DSCAML1: variants seen among roughly 807,000 people sequenced by gnomAD.
DSCAML1 encodes the protein DS cell adhesion molecule like 1, also known as cell adhesion molecule DSCAML1.
Under a neutral mutation model 200.5 loss-of-function variants are expected in DSCAML1, and 38 were observed. The ratio of observed to expected loss-of-function variants is 0.19; its 90% CI spans 0.15 to 0.25. The LOEUF is 0.25. DSCAML1 is among the 10% of genes least tolerant of loss of function. The probability of loss-of-function intolerance (pLI) is 1.00; values close to 1 mark genes in which losing one functional copy is unlikely to be tolerated. For synonymous variants in DSCAML1, 1,215 were observed against 1,165.0 expected (o/e 1.04, Z -0.87); for missense variants, 2,223 against 2,858.8 (o/e 0.78, Z 5.07).
chr11:117,515,610 C>CTTTTTTTTTTTTT (rs56765238), intron 8 of DSCAML1, among the ~76,000 whole-genome samples: 3,475 of 64,928 alleles, frequency 0.054, 729 homozygotes, highest in Non-Finnish European at 0.066. Flanking sequence ...AGGGACGAAG[C>CTTTTTTTTTTTTT]TTTTTTTTTT....
chr11:117,623,133 G>T (rs1287250110), intron 3 of DSCAML1, among the ~76,000 whole-genome samples: 1 of 151,830 alleles, frequency 6.6e-6, no homozygotes, highest in East Asian at 1.9e-4. Flanking sequence ...TCGTCAACTA[G>T]CATCAACTGA....
intron 1 of DSCAML1, among the ~76,000 whole-genome samples, chr11:117,816,452 C>T (rs1357383300): frequency 1.3e-5 from 2 of 152,248 alleles, no homozygotes; most frequent in Non-Finnish European, 2.9e-5. Context: ...GAAGAATGGG[C>T]GCTTGGTGAG....
intron 19 of DSCAML1, among the ~76,000 whole-genome samples, chr11:117,458,083 C>G (rs1487015562): frequency 2.0e-5 from 3 of 152,228 alleles, no homozygotes; most frequent in Non-Finnish European, 4.4e-5. Context: ...CCTGGCGGCC[C>G]TGGGGTAGTG....
intron 3 of DSCAML1, among the ~76,000 whole-genome samples, chr11:117,578,152 C>G (rs1353369604): frequency 4.1e-5 from 6 of 144,676 alleles, no homozygotes; most frequent in African/African-American, 1.6e-4. Flanking sequence ...GGAGAATTGC[C>G]TGAAGCCATG....
At chr11:117,589,652 C>T (rs1325686425) in intron 3 of DSCAML1, among the ~76,000 whole-genome samples, 4 of 152,296 alleles carry the variant, frequency 2.6e-5, no homozygotes, top group Admixed American at 6.5e-5. Context: ...CTAACCAGAG[C>T]GACTGAATCC....
intron 3 of DSCAML1, among the ~76,000 whole-genome samples, chr11:117,617,680 G>GCACACACACACACACACACA (rs36207373): frequency 4.9e-5 from 7 of 143,014 alleles, no homozygotes; most frequent in African/African-American, 1.8e-4. Flanking sequence ...ACAGGTACAC[G>GCACACACACACACACACACA]CACACACACA....
At chr11:117,502,732 G>A (rs996862858) in intron 11 of DSCAML1, among the ~76,000 whole-genome samples, 1 of 152,268 alleles carries the variant, frequency 6.6e-6, no homozygotes, top group South Asian at 2.1e-4. Flanking sequence ...ACATAACAAA[G>A]CTGGCCAGGT....
At chr11:117,556,772 C>T (rs1006678226) in intron 3 of DSCAML1, among the ~76,000 whole-genome samples, 7 of 152,208 alleles carry the variant, frequency 4.6e-5, no homozygotes, top group South Asian at 2.1e-4. Flanking sequence ...CCAGAGAAGT[C>T]AGCTTGTCCA....
intron 15 of DSCAML1, 93 bp from the exon 16 acceptor site, chr11:117,470,073 G>C: frequency 8.2e-7 from 1 of 1,212,518 alleles, no homozygotes; most frequent in Non-Finnish European, 1.1e-6. Context: ...CTGAGCTGGA[G>C]GGCTCCTGGG....
At chr11:117,593,372 G>T (rs1188638080) in intron 3 of DSCAML1, among the ~76,000 whole-genome samples, 2 of 152,230 alleles carry the variant, frequency 1.3e-5, no homozygotes, top group African/African-American at 4.8e-5. Flanking sequence ...TGGGGCCTGG[G>T]GGCCTGGGTC....
chr11:117,787,008 TC>T (rs1329035348), intron 1 of DSCAML1, among the ~76,000 whole-genome samples: 1 of 152,008 alleles, frequency 6.6e-6, no homozygotes. Context: ...GGCCATTAGC[TC>T]CCCGAGGGCA....
intron 16 of DSCAML1, among the ~76,000 whole-genome samples, chr11:117,465,670 A>T (rs2048566182): frequency 1.3e-5 from 2 of 152,164 alleles, no homozygotes; most frequent in Non-Finnish European, 2.9e-5. Context: ...AAGCACTGTG[A>T]GGACGCTTTG....
chr11:117,528,082 A>T (rs184888829), intron 4 of DSCAML1, among the ~76,000 whole-genome samples: 2 of 152,264 alleles, frequency 1.3e-5, no homozygotes, highest in Non-Finnish European at 2.9e-5. Context: ...AGCGCTTTAG[A>T]CGCTCAATCC....
intron 3 of DSCAML1, among the ~76,000 whole-genome samples, chr11:117,559,686 A>C (rs754064332): frequency 6.6e-6 from 1 of 152,128 alleles, no homozygotes; most frequent in Non-Finnish European, 1.5e-5. Flanking sequence ...GGCAGACCCA[A>C]GTTTGGCTTG....
At chr11:117,495,234 C>T (rs1226046979) in intron 11 of DSCAML1, among the ~76,000 whole-genome samples, 2 of 152,090 alleles carry the variant, frequency 1.3e-5, no homozygotes, top group Admixed American at 1.3e-4. Context: ...CCCCAGCTGG[C>T]GGTAGGCAGG....
At chr11:117,491,002 G>GGAGCTCAGCTGGTGTTTC in intron 11 of DSCAML1, among the ~76,000 whole-genome samples, 1 of 152,296 alleles carries the variant, frequency 6.6e-6, no homozygotes, top group South Asian at 2.1e-4. Flanking sequence ...TCTGGTGATT[G>GGAGCTCAGCTGGTGTTTC]GAGCTCAGCT....
chr11:117,501,458 C>G (rs1330250230), intron 11 of DSCAML1, among the ~76,000 whole-genome samples: 1 of 152,160 alleles, frequency 6.6e-6, no homozygotes, highest in Non-Finnish European at 1.5e-5. Context: ...CAACCCCAGA[C>G]AGAGGCCCTG....
At chr11:117,809,581 T>C (rs1415782217) in intron 1 of DSCAML1, among the ~76,000 whole-genome samples, 3 of 152,168 alleles carry the variant, frequency 2.0e-5, no homozygotes, top group African/African-American at 7.2e-5. Flanking sequence ...GGTCCTGCCC[T>C]TCACCCCAGT....
rs2055225822 is a variant in DSCAML1 at position 117,780,294 on chromosome 11, A to AAGAAAGAAAGAG, written c.364+187_364+198dup. On this transcript the variant is annotated intron_variant, in intron 2 of 32. Transcript: ENST00000651296. This position sits in a 1 kb window ranked among gnomAD's most constrained non-coding sequence, Gnocchi z 4.8. ...AAAGAAAGAAAGAAAGAAAGAAAGA[A>AAGAAAGAAAGAG]AGAAAGAAAGAGAGAAAGGAGAAAG... 1.9e-5 allele frequency among the ~76,000 whole-genome samples: 2 copies of AAGAAAGAAAGAG among 106,648 alleles called. No individual in the cohort carries two copies. Among genetic ancestry groups the AAGAAAGAAAGAG allele is most frequent in the Non-Finnish European group, 4.4e-5 (2 of 45,638 alleles). The allele number at this position is 106,648 out of a possible 152,430, so 70.0% of individuals were successfully genotyped here.
Sources: allele counts gnomAD v4.1 joint callset (sites outside exome capture counted in the v4.1 genomes callset), GRCh38; gene constraint gnomAD v4.1.1; non-coding constraint Gnocchi (gnomAD v3.1); transcripts MANE v1.5; gene names NCBI Gene and HGNC (gene_info 2026-07-23, HGNC 2026-07-21).